Variants in CELF2 observed in about 807,000 individuals in gnomAD.
CELF2 encodes CUG triplet repeat RNA-binding protein 2.
A neutral mutation model predicts 62.6 loss-of-function variants in CELF2; 8 were observed. That is an observed-to-expected ratio of 0.13 (90% CI 0.07 to 0.23). The LOEUF is 0.23. Ranked by LOEUF, CELF2 falls within the 10% of genes least tolerant of loss-of-function variation. The pLI is 1.00. For synonymous variants in CELF2, 258 were observed against 250.0 expected (o/e 1.03, Z -0.30); for missense variants, 333 against 671.0 (o/e 0.50, Z 5.56).
At chr10:11,151,017 A>C (rs116781635) in intron 1 of CELF2, among the ~76,000 whole-genome samples, 1 of 152,336 alleles carries the variant, frequency 6.6e-6, no homozygotes, top group African/African-American at 2.4e-5. Flanking sequence ...GATCATAAAA[A>C]GTCCAGGAGC....
rs2095975402 is a variant in CELF2 at position 11,330,276 on chromosome 10, T to A, written c.*1223T>A. On this transcript the variant is annotated 3_prime_UTR_variant, in exon 13 of 13. Transcript: ENST00000633077. This position sits in a 1 kb window ranked among gnomAD's most constrained non-coding sequence, Gnocchi z 4.5. Reference sequence around the variant, plus strand: ...CGTTTCGCTCTCTCCAGATGGATTCTCTTGGGGTTTCATTGTGCTGTGGAT... The same window carrying A: ...CGTTTCGCTCTCTCCAGATGGATTCACTTGGGGTTTCATTGTGCTGTGGAT... 1 of 152,642 alleles carries A rather than the reference T, an allele frequency of 6.6e-6. No homozygotes were observed. Among genetic ancestry groups the A allele is most frequent in the Non-Finnish European group, 1.5e-5 (1 of 68,046 alleles). The allele number at this position is 152,642 out of a possible 1,614,324, so 9.5% of individuals were successfully genotyped here.
chr10:11,258,238 C>T (rs909009988), intron 5 of CELF2, among the ~76,000 whole-genome samples: 4 of 152,176 alleles, frequency 2.6e-5, no homozygotes, highest in Non-Finnish European at 5.9e-5. Context: ...AGTCCTCGGG[C>T]TTCCTGCCTG....
rs531515222 is a variant in CELF2, at chr10:10,844,564, GT to G, written c.53+45748del. ...CAGTTTTATCCCAGAAAAATGAAGA[GT>G]GTGGGGAAACTAGCAAAGGGCTGTT... On this transcript the variant is annotated intron_variant, in intron 1 of 13. Coordinates refer to the CELF2 transcript ENST00000636488. Among the ~76,000 whole-genome samples the G allele has an allele frequency of 2.6e-5, 4 of 152,224 alleles. No individual in the cohort carries two copies. In the South Asian group the frequency reaches 8.3e-4, roughly 32 times the overall value.
At chr10:11,144,415 G>T (rs2061877406) in intron 1 of CELF2, among the ~76,000 whole-genome samples, 1 of 152,138 alleles carries the variant, frequency 6.6e-6, no homozygotes, top group Non-Finnish European at 1.5e-5. Flanking sequence ...AATGTTTACT[G>T]TATGCTTCTA....
At chr10:10,846,264 C>G (rs1220283356) in intron 1 of CELF2, 1 of 234,370 alleles carries the variant, frequency 4.3e-6, no homozygotes, top group African/African-American at 2.3e-5. Context: ...TTTTTCCAAG[C>G]TCCTTCTTGC....
the CELF2 span, among the ~76,000 whole-genome samples, chr10:10,595,436 C>G: frequency 6.6e-6 from 1 of 152,122 alleles, no homozygotes; most frequent in East Asian, 1.9e-4. Context: ...TAAGGACATA[C>G]TGAAAGTGAG....
chr10:10,912,973 C>A (rs754637603), intron 1 of CELF2, among the ~76,000 whole-genome samples: 1 of 152,114 alleles, frequency 6.6e-6, no homozygotes, highest in African/African-American at 2.4e-5. Flanking sequence ...AGTGAGTGGA[C>A]GCCTGTAAAT....
Position 11,160,995 on chromosome 10 carries a change from CTTG to C in CELF2, c.75-4486_75-4484del, listed in dbSNP as rs756829904. 1.3e-4 allele frequency among the ~76,000 whole-genome samples: 20 copies of C among 152,164 alleles called. 1 individual carries two copies. The highest frequency in any genetic ancestry group is 4.8e-5 in the African/African-American group (2 of 41,442). On this transcript the variant is annotated intron_variant, in intron 1 of 12. Transcript: ENST00000633077. ...TGCAAATCACTGGGCCTTATAAAAG[CTTG>C]TTGTCCTAAAACTAGTAAAAATAAT...
the CELF2 span, among the ~76,000 whole-genome samples, chr10:10,517,940 G>T: frequency 6.6e-6 from 1 of 152,188 alleles, no homozygotes; most frequent in Non-Finnish European, 1.5e-5. Context: ...CCTGGGGCTT[G>T]CCAGTTTCTT....
chr10:11,196,593 G>A (rs2057548184), intron 2 of CELF2, among the ~76,000 whole-genome samples: 1 of 152,018 alleles, frequency 6.6e-6, no homozygotes, highest in Non-Finnish European at 1.5e-5. Flanking sequence ...CATGGGCCCA[G>A]GAGTTTGTGG....
chr10:11,095,621 G>A (rs1259789733), intron 1 of CELF2, among the ~76,000 whole-genome samples: 3 of 152,212 alleles, frequency 2.0e-5, no homozygotes, highest in Non-Finnish European at 4.4e-5. Flanking sequence ...CTGGGAAACA[G>A]CATCTCAGCT....
At chr10:10,744,203 C>T in the CELF2 span, among the ~76,000 whole-genome samples, 1 of 152,000 alleles carries the variant, frequency 6.6e-6, no homozygotes, top group South Asian at 2.1e-4. Flanking sequence ...CATTAGAAGC[C>T]ACACTCTCTT....
rs7910683 is a variant in CELF2 at position 10,850,116 on chromosome 10, T to C, written c.53+51299T>C. Among the ~76,000 whole-genome samples the C allele has an allele frequency of 9.3e-3, 1,411 of 151,990 alleles. 7 individuals are homozygous for C. The highest frequency in any genetic ancestry group is 0.015 in the Non-Finnish European group (1,031 of 67,948). On this transcript the variant is annotated intron_variant, in intron 1 of 13. Transcript: ENST00000636488. ...GTGAGCTGAGATCACGCCACTGTAC[T>C]CCAGCCCAGGCGACAGTGGGAGACT...
chr10:11,091,405 G>C (rs1595038061), intron 1 of CELF2, among the ~76,000 whole-genome samples: 1 of 152,184 alleles, frequency 6.6e-6, no homozygotes, highest in East Asian at 1.9e-4. Context: ...CCTGTTCTGG[G>C]CTTGAGAAAA....
chr10:11,025,547 C>T (rs1391538549), intron 1 of CELF2, among the ~76,000 whole-genome samples: 1 of 152,054 alleles, frequency 6.6e-6, no homozygotes, highest in East Asian at 1.9e-4. Flanking sequence ...TGTAAGTTTC[C>T]TGAGGTCTCC....
chr10:11,271,807 A>C (rs1185889113), intron 7 of CELF2, among the ~76,000 whole-genome samples: 1 of 151,920 alleles, frequency 6.6e-6, no homozygotes, highest in Non-Finnish European at 1.5e-5. Flanking sequence ...CCTGTCACCC[A>C]TTGGCTTTAC....
Position 11,295,110 on chromosome 10 carries a change from G to C in CELF2, c.976+6558G>C, listed in dbSNP as rs80165780. 3.5e-3 allele frequency among the ~76,000 whole-genome samples: 536 copies of C among 152,192 alleles called. 5 individuals carry two copies. The highest frequency in any genetic ancestry group is 0.012 in the African/African-American group (486 of 41,496). On this transcript the variant is annotated intron_variant, in intron 9 of 12. Coordinates refer to ENST00000633077, the MANE Select transcript of CELF2 (RefSeq NM_001326342.2). ...TGTCTTCTTTGCTCGTGACATTATG[G>C]GGCTCACTTTATTTTCATTAATGTT...
chr10:10,542,821 T>A, the CELF2 span, among the ~76,000 whole-genome samples: 9 of 152,312 alleles, frequency 5.9e-5, no homozygotes, highest in South Asian at 1.2e-3. Flanking sequence ...TCTGACTTCC[T>A]CCCAGTGAGA....
rs2140281594 is a variant in CELF2, at chr10:11,305,059, T to TA, written c.977-9080_977-9079insA. ...ATCGGCATCTTCTGGTTCAACTCGG[T>TA]GCCCCTCCTCCAGCCCTGGCCCAGT... On this transcript the variant is annotated intron_variant, in intron 9 of 12. Coordinates refer to ENST00000633077, the MANE Select transcript of CELF2 (RefSeq NM_001326342.2). This position sits in a 1 kb window ranked among gnomAD's most constrained non-coding sequence, Gnocchi z 4.8. 1.4e-5 allele frequency among the ~76,000 whole-genome samples: 1 copy of TA among 71,652 alleles called. No homozygotes were observed. The highest frequency in any genetic ancestry group is 4.7e-5 in the Non-Finnish European group (1 of 21,416). 47.0% of individuals were successfully genotyped at this position (71,652 alleles called of 152,430 possible).
Sources: allele counts gnomAD v4.1 joint callset (sites outside exome capture counted in the v4.1 genomes callset), GRCh38; gene constraint gnomAD v4.1.1; non-coding constraint Gnocchi (gnomAD v3.1); transcripts MANE v1.5; gene names NCBI Gene and HGNC (gene_info 2026-07-23, HGNC 2026-07-21).